CATSPERE: variants seen among roughly 807,000 people sequenced by gnomAD.
The protein encoded by CATSPERE is catsper channel auxiliary subunit epsilon, also known as cation channel sperm-associated auxiliary subunit epsilon.
CATSPERE carries 93 observed loss-of-function variants against 114.1 expected under a neutral mutation model. The observed-to-expected ratio is 0.81, with a 90% CI of 0.69 to 0.97. The LOEUF is 0.97. Ranked by LOEUF, CATSPERE falls within the 50% of genes least tolerant of loss-of-function variation. The pLI is 0.00. For missense variants in CATSPERE, 1,058 were observed against 1,131.6 expected (o/e 0.93, Z 0.93); for synonymous variants, 341 against 384.1 (o/e 0.89, Z 1.31).
intron 8 of CATSPERE, among the ~76,000 whole-genome samples, chr1:244,535,152 G>A (rs912078261): frequency 6.6e-6 from 1 of 152,188 alleles, no homozygotes; most frequent in Non-Finnish European, 1.5e-5. Flanking sequence ...CCTGGAGCTG[G>A]GGGAGGGGTG....
rs200031695 is a variant in CATSPERE at position 244,531,523 on chromosome 1, T to TTA, written c.536+12826_536+12827insAT. On this transcript the variant is annotated intron_variant, in intron 8 of 21. Coordinates refer to ENST00000366534, the MANE Select transcript of CATSPERE (RefSeq NM_001130957.2). ...TCCTTCTATACCCAGTTTTTAAAAT[T>TTA]TTTTTTTTGTCATGAAGTGATGTTG... 7.2e-3 allele frequency among the ~76,000 whole-genome samples: 1,097 copies of TTA among 151,380 alleles called. 14 individuals are homozygous for TTA. Among genetic ancestry groups the TTA allele is most frequent in the African/African-American group, 0.025 (1,022 of 41,372 alleles).
At chr1:244,547,466 G>T (rs1659930297) in intron 8 of CATSPERE, among the ~76,000 whole-genome samples, 1 of 152,158 alleles carries the variant, frequency 6.6e-6, no homozygotes, top group Middle Eastern at 3.4e-3. Flanking sequence ...ACTGTATAAA[G>T]GTTAAAAGCC....
chr1:244,533,176 C>A (rs975078273), intron 8 of CATSPERE, among the ~76,000 whole-genome samples: 1 of 150,304 alleles, frequency 6.7e-6, no homozygotes, highest in African/African-American at 2.5e-5. Flanking sequence ...TATAGCTACT[C>A]CTCCTATTTT....
In CATSPERE at chr1:244,513,637, G is replaced by A. The variant is rs78486726; in HGVS notation, c.430-4955G>A. Among the ~76,000 whole-genome samples the A allele has an allele frequency of 6.6e-5, 10 of 152,264 alleles. No homozygotes were observed. The East Asian group carries it at 1.7e-3, about 26-fold the overall frequency. On this transcript the variant is annotated intron_variant, in intron 7 of 21. Coordinates refer to ENST00000366534, the MANE Select transcript of CATSPERE (RefSeq NM_001130957.2). ...GGTGCATGTGGGTGCCGCTTGCAAC[G>A]AGCAGGGTGGATCTATCCCTAGGTC...
At chr1:244,625,227 G>T (rs543092802) in intron 20 of CATSPERE, among the ~76,000 whole-genome samples, 2 of 150,932 alleles carry the variant, frequency 1.3e-5, no homozygotes, top group East Asian at 3.9e-4. Flanking sequence ...ATTGATCGTG[G>T]GTTGCAGAAT....
chr1:244,481,743 C>T (rs547804657), intron 5 of CATSPERE, among the ~76,000 whole-genome samples: 3 of 152,238 alleles, frequency 2.0e-5, no homozygotes, highest in Admixed American at 6.5e-5. Flanking sequence ...GATTAGTGCT[C>T]GTACAAAAGA....
chr1:244,513,408 C>A (rs899285209), intron 7 of CATSPERE, among the ~76,000 whole-genome samples: 2 of 152,098 alleles, frequency 1.3e-5, no homozygotes, highest in African/African-American at 4.8e-5. Context: ...TCAGGCAGGG[C>A]AGAACAATCC....
chr1:244,499,493 T>TC (rs1023608112), intron 7 of CATSPERE, among the ~76,000 whole-genome samples: 5 of 101,580 alleles, frequency 4.9e-5, no homozygotes, highest in South Asian at 4.1e-4. Context: ...TCCCTCCCCT[T>TC]CCCCCCCACC....
rs1449289005 is a variant in CATSPERE at position 244,463,932 on chromosome 1, T to C, written c.90T>C (p.Tyr30=). The change falls in exon 2 of 22, where the codon TAT becomes TAC. Residue 30 remains tyrosine (Y), a synonymous_variant. Transcript: ENST00000366534. The stretch of plus-strand genomic sequence containing the variant: ...GGTATTCCACTAACAGCCCAAACTA[T>C]CGCATTTTTAGTACCAGAAGTACTG... ...LWRYSTNSPN[Y]RIFSTRSTIK... is the part of the protein sequence containing the mutation. The C allele has an allele frequency of 6.2e-7, 1 of 1,603,310 alleles. No individual in the cohort carries two copies. Among genetic ancestry groups the C allele is most frequent in the Non-Finnish European group, 8.5e-7 (1 of 1,170,450 alleles).
At chr1:244,489,849 G>GA (rs915684472) in intron 5 of CATSPERE, among the ~76,000 whole-genome samples, 105 of 150,430 alleles carry the variant, frequency 7.0e-4, no homozygotes, top group Non-Finnish European at 1.2e-3. Context: ...TGTATAGCAA[G>GA]AAAAAAAAAT....
intron 20 of CATSPERE, among the ~76,000 whole-genome samples, chr1:244,626,910 C>T (rs1673271568): frequency 1.3e-5 from 2 of 152,190 alleles, no homozygotes; most frequent in African/African-American, 2.4e-5. Context: ...TAGAGTAGCA[C>T]TTTTAATTTT....
At chr1:244,489,706 G>A (rs1671656477) in intron 5 of CATSPERE, among the ~76,000 whole-genome samples, 1 of 151,930 alleles carries the variant, frequency 6.6e-6, no homozygotes, top group African/African-American at 2.4e-5. Context: ...ACTTGCTTAG[G>A]TCAGGGTATG....
intron 7 of CATSPERE, among the ~76,000 whole-genome samples, chr1:244,505,289 C>A (rs181832003): frequency 6.6e-6 from 1 of 152,254 alleles, no homozygotes; most frequent in African/African-American, 2.4e-5. Context: ...GGCATTTCTC[C>A]TAGGAGCTCT....
chr1:244,528,764 C>G (rs186028602), intron 8 of CATSPERE, among the ~76,000 whole-genome samples: 1 of 147,812 alleles, frequency 6.8e-6, no homozygotes, highest in Admixed American at 6.7e-5. Flanking sequence ...CATACCTACT[C>G]TCCCCCACAA....
intron 15 of CATSPERE, among the ~76,000 whole-genome samples, chr1:244,592,078 GT>G (rs1667794776): frequency 6.6e-6 from 1 of 152,148 alleles, no homozygotes; most frequent in African/African-American, 2.4e-5. Flanking sequence ...GCCGGGTACA[GT>G]GGCTCATGCC....
chr1:244,483,129 A>G lies in CATSPERE; in HGVS notation c.326+3345A>G, dbSNP rs74441451. On this transcript the variant is annotated intron_variant, in intron 5 of 21. Transcript: ENST00000366534. ...CTGTGAATGATCCTGAATATACCTC[A>G]TAGTATCTTGCTACTTAAAATGTAA... Among the ~76,000 whole-genome samples, 1,140 of 152,316 alleles carry G rather than the reference A, an allele frequency of 7.5e-3. 17 individuals carry two copies. The highest frequency in any genetic ancestry group is 0.026 in the African/African-American group (1,089 of 41,580).
At chr1:244,508,824 C>G (rs1320807770) in intron 7 of CATSPERE, among the ~76,000 whole-genome samples, 1 of 141,764 alleles carries the variant, frequency 7.1e-6, no homozygotes, top group Non-Finnish European at 1.5e-5. Flanking sequence ...TAGTGAGACC[C>G]TATCTCTAAA....
chr1:244,633,793 C>T lies in CATSPERE; in HGVS notation c.2649-1696C>T, dbSNP rs191163326. 1.8e-4 allele frequency among the ~76,000 whole-genome samples: 28 copies of T among 152,214 alleles called. No individual in the cohort carries two copies. The highest frequency in any genetic ancestry group is 1.6e-3 in the Admixed American group (25 of 15,280). On this transcript the variant is annotated intron_variant, in intron 20 of 21. Coordinates refer to ENST00000366534, the MANE Select transcript of CATSPERE (RefSeq NM_001130957.2). The surrounding 1 kb of genome is among the most constrained non-coding windows in gnomAD (Gnocchi z 4.1). ...TAACCCTTCATCCTTATTTAAACTC[C>T]AACCTTTAGGACTCAACACAAGCCT...
chr1:244,593,255 A>G (rs1179536145), intron 15 of CATSPERE, 140 bp from the exon 16 acceptor site: 2 of 756,112 alleles, frequency 2.6e-6, no homozygotes, highest in Non-Finnish European at 4.4e-6. Context: ...GTGGATATAC[A>G]TGTAGAAAGT....
Sources: gnomAD v4.1 joint callset for allele counts (sites outside exome capture counted in the v4.1 genomes callset) on GRCh38, gnomAD v4.1.1 for gene constraint, Gnocchi (gnomAD v3.1) non-coding constraint, MANE v1.5 for transcripts, NCBI Gene and HGNC (gene_info 2026-07-23, HGNC 2026-07-21) for gene names.